The following NYAP2 variants were observed in gnomAD, a reference collection of about 807,000 sequenced individuals.
The protein encoded by NYAP2 is neuronal tyrosine-phosphorylated phosphoinositide-3-kinase adaptor 2, also known as neuronal tyrosine-phosphorylated phosphoinositide-3-kinase adapter 2.
In NYAP2, 23 loss-of-function variants were observed where a neutral mutation model predicts 50.4. The observed-to-expected ratio is 0.46, with a 90% CI of 0.33 to 0.65. NYAP2 has a LOEUF of 0.65. Among genes scored for constraint, NYAP2 ranks in the 30% least tolerant of loss-of-function variants. The pLI is 0.02. For missense variants in NYAP2, 885 were observed against 861.0 expected, an observed-to-expected ratio of 1.03 and a Z score of -0.35; for synonymous variants, 394 against 365.2, an observed-to-expected ratio of 1.08 and a Z score of -0.90.
At chr2:225,402,649 T>A (rs534307440) in intron 2 of NYAP2, among the ~76,000 whole-genome samples, 53 of 152,130 alleles carry the variant, frequency 3.5e-4, no homozygotes, top group African/African-American at 1.3e-3. Context: ...CACTGCAAAG[T>A]AATCTGCTTT....
At chr2:225,663,842 C>T in the NYAP2 span, among the ~76,000 whole-genome samples, 1 of 152,132 alleles carries the variant, frequency 6.6e-6, no homozygotes, top group Non-Finnish European at 1.5e-5. Context: ...AGATGTGAAC[C>T]ACTGCGCCCG....
chr2:225,414,800 A>C (rs140822973), intron 3 of NYAP2, among the ~76,000 whole-genome samples: 74 of 152,300 alleles, frequency 4.9e-4, no homozygotes, highest in African/African-American at 1.2e-3. Context: ...AGTCCCTTCA[A>C]ACAAAGTTTT....
intron 3 of NYAP2, among the ~76,000 whole-genome samples, chr2:225,466,265 G>A (rs902094481): frequency 3.9e-5 from 6 of 152,038 alleles, no homozygotes; most frequent in African/African-American, 1.4e-4. Context: ...TTCCTATATG[G>A]AATATAAGGG....
At chr2:225,661,451 CT>C in the NYAP2 span, among the ~76,000 whole-genome samples, 1 of 152,110 alleles carries the variant, frequency 6.6e-6, no homozygotes, top group Admixed American at 6.5e-5. Flanking sequence ...CCTAAAATAG[CT>C]TTTGTTGAGA....
the NYAP2 span, among the ~76,000 whole-genome samples, chr2:225,675,585 T>C: frequency 6.6e-6 from 1 of 152,184 alleles, no homozygotes; most frequent in Admixed American, 6.5e-5. Flanking sequence ...TTCCTTGCTA[T>C]TGTGAACAGT....
intron 3 of NYAP2, among the ~76,000 whole-genome samples, chr2:225,450,232 G>A (rs548898071): frequency 3.9e-5 from 6 of 152,120 alleles, no homozygotes; most frequent in Non-Finnish European, 8.8e-5. Flanking sequence ...GAGGGTGTGA[G>A]GGTAGCCTCA....
chr2:225,519,523 T>C (rs1463380518), intron 4 of NYAP2, among the ~76,000 whole-genome samples: 2 of 150,560 alleles, frequency 1.3e-5, no homozygotes, highest in Non-Finnish European at 1.5e-5. Flanking sequence ...TATGCAGTGT[T>C]TGGTTTTTTG....
At chr2:225,499,886 CAGAG>C (rs1021782922) in intron 3 of NYAP2, among the ~76,000 whole-genome samples, 4 of 151,926 alleles carry the variant, frequency 2.6e-5, no homozygotes, top group Admixed American at 2.0e-4. Context: ...TAGAGAGAAA[CAGAG>C]AAAGAATACA....
At chr2:225,682,914 A>G in the NYAP2 span, among the ~76,000 whole-genome samples, 3 of 152,012 alleles carry the variant, frequency 2.0e-5, no homozygotes. Context: ...TAGACTTAAT[A>G]CTCTTGACAA....
chr2:225,686,467 C>T, the NYAP2 span, among the ~76,000 whole-genome samples: 2 of 152,092 alleles, frequency 1.3e-5, no homozygotes, highest in Non-Finnish European at 2.9e-5. Context: ...CTAACACTTT[C>T]ATGTAACTCA....
At chr2:225,451,680 G>A (rs1689655678) in intron 3 of NYAP2, among the ~76,000 whole-genome samples, 7 of 152,096 alleles carry the variant, frequency 4.6e-5, no homozygotes, top group South Asian at 2.1e-4. Context: ...CTTACTTTAC[G>A]CAGGTACAAG....
At chr2:225,703,280 C>A in the NYAP2 span, 3 of 151,634 alleles carry the variant, frequency 2.0e-5, no homozygotes, top group African/African-American at 7.3e-5. Flanking sequence ...AACATCCATT[C>A]CAATATAACA....
intron 4 of NYAP2, among the ~76,000 whole-genome samples, chr2:225,558,945 C>G (rs899739785): frequency 2.6e-5 from 4 of 152,054 alleles, no homozygotes; most frequent in Non-Finnish European, 5.9e-5. Context: ...TGACACGTTA[C>G]CAGAAAGCTC....
intron 5 of NYAP2, among the ~76,000 whole-genome samples, chr2:225,624,982 C>A (rs1378608741): frequency 8.2e-6 from 1 of 122,314 alleles, no homozygotes; most frequent in Admixed American, 1.1e-4. Flanking sequence ...TAATGGTGAA[C>A]CAAAGTGTGA....
intron 5 of NYAP2, among the ~76,000 whole-genome samples, chr2:225,589,068 C>A (rs1308291338): frequency 6.6e-6 from 1 of 152,122 alleles, no homozygotes; most frequent in African/African-American, 2.4e-5. Flanking sequence ...CTTCTCTTTT[C>A]ACTCTTTTCC....
chr2:225,573,636 C>T (rs1343338684), intron 4 of NYAP2, among the ~76,000 whole-genome samples: 1 of 152,134 alleles, frequency 6.6e-6, no homozygotes, highest in East Asian at 1.9e-4. Context: ...GCTGGGGCCT[C>T]TTATTTTTCT....
chr2:225,492,098 T>C (rs111835156), intron 3 of NYAP2, among the ~76,000 whole-genome samples: 27 of 152,250 alleles, frequency 1.8e-4, no homozygotes, highest in African/African-American at 5.5e-4. Flanking sequence ...CCATGTGCCC[T>C]TTCACATGTT....
intron 5 of NYAP2, among the ~76,000 whole-genome samples, chr2:225,618,283 C>T (rs531367295): frequency 1.1e-4 from 16 of 152,266 alleles, no homozygotes; most frequent in South Asian, 2.1e-4. Context: ...GCCTTGGCTC[C>T]GCACAAATAT....
intron 4 of NYAP2, among the ~76,000 whole-genome samples, chr2:225,558,515 C>T (rs1298136196): frequency 6.6e-6 from 1 of 152,126 alleles, no homozygotes; most frequent in Non-Finnish European, 1.5e-5. Context: ...GCATCTTGCT[C>T]ACTCTGCTTC....
Sources: allele counts gnomAD v4.1 joint callset (sites outside exome capture counted in the v4.1 genomes callset), GRCh38; gene constraint gnomAD v4.1.1; transcripts MANE v1.5; gene names NCBI Gene and HGNC (gene_info 2026-07-23, HGNC 2026-07-21).